The following NUDT7 variants were observed in gnomAD, a reference collection of about 807,000 sequenced individuals.
NUDT7 encodes the protein peroxisomal coenzyme A diphosphatase NUDT7.
NUDT7 carries 19 observed loss-of-function variants against 13.1 expected under a neutral mutation model. That is an observed-to-expected ratio of 1.45 (90% CI 1.01 to 2.13). The LOEUF (loss-of-function observed/expected upper bound fraction) is 2.13. NUDT7 is among the 30% of genes most tolerant of loss of function. The pLI is 0.00. For missense variants in NUDT7, 360 were observed against 291.7 expected, an observed-to-expected ratio of 1.23 and a Z score of -1.71; for synonymous variants, 132 against 109.7, an observed-to-expected ratio of 1.20 and a Z score of -1.27.
In NUDT7 at chr16:77,741,637, A is replaced by T. The variant is rs778021105; in HGVS notation, c.404A>T (p.Gln135Leu). The change falls in exon 4 of 4, where the codon CAG becomes CTG. Residue 135 changes from glutamine to leucine, a missense_variant. Transcript: ENST00000268533. ...VGLIDHNFQA[Q>L]PNPAEVKDVF... is the part of the protein sequence containing the mutation. Reference sequence around the variant, plus strand: ...TTAATAGACCACAACTTCCAGGCCCAGCCGAATCCTGCTGAAGTTAAGGAT... The same window carrying T: ...TTAATAGACCACAACTTCCAGGCCCTGCCGAATCCTGCTGAAGTTAAGGAT... The T allele has an allele frequency of 6.2e-7, 1 of 1,613,924 alleles. No individual in the cohort carries two copies. The highest frequency in any genetic ancestry group is 1.1e-5 in the South Asian group (1 of 91,058).
At chr16:77,726,469 C>G in intron 2 of NUDT7, among the ~76,000 whole-genome samples, 1 of 152,140 alleles carries the variant, frequency 6.6e-6, no homozygotes, top group East Asian at 1.9e-4. Context: ...TTCTGGCTCA[C>G]CCCTTGTATT....
chr16:77,733,386 A>G (rs77524679), intron 2 of NUDT7, among the ~76,000 whole-genome samples: 15,417 of 152,190 alleles, frequency 0.1, 877 homozygotes, highest in African/African-American at 0.16. Context: ...AGGGGCAAAG[A>G]GTCTGTCTCT....
chr16:77,735,806 G>C, intron 2 of NUDT7, 22 bp from the exon 3 acceptor site: 1 of 1,607,296 alleles, frequency 6.2e-7, no homozygotes, highest in Non-Finnish European at 8.5e-7. Flanking sequence ...CCACATTGTA[G>C]CGCTGTTCTT....
intron 2 of NUDT7, among the ~76,000 whole-genome samples, chr16:77,728,733 T>A (rs1292631045): frequency 1.3e-5 from 2 of 152,198 alleles, no homozygotes; most frequent in Non-Finnish European, 2.9e-5. Flanking sequence ...CGGGTCCACC[T>A]TGGATAAGGG....
At chr16:77,729,559 C>G (rs891196044) in intron 2 of NUDT7, among the ~76,000 whole-genome samples, 2 of 152,248 alleles carry the variant, frequency 1.3e-5, no homozygotes, top group African/African-American at 4.8e-5. Flanking sequence ...CCAGGCATGG[C>G]TCACACCTGT....
chr16:77,732,432 C>A (rs547566329), intron 2 of NUDT7, among the ~76,000 whole-genome samples: 2 of 152,254 alleles, frequency 1.3e-5, no homozygotes, highest in East Asian at 3.9e-4. Context: ...GCCTTCACAT[C>A]CACTCACCAC....
intron 2 of NUDT7, among the ~76,000 whole-genome samples, chr16:77,728,147 T>C (rs2145108102): frequency 6.6e-6 from 1 of 152,180 alleles, no homozygotes; most frequent in South Asian, 2.1e-4. Context: ...GTAGGAGATT[T>C]CCCCCCAGTG....
chr16:77,737,888 G>A (rs1339360776), intron 3 of NUDT7, among the ~76,000 whole-genome samples: 1 of 152,052 alleles, frequency 6.6e-6, no homozygotes, highest in Non-Finnish European at 1.5e-5. Context: ...GATCCTTTAT[G>A]TTCCACTTGA....
Position 77,732,564 on chromosome 16 carries a change from G to A in NUDT7, c.190-3264G>A, listed in dbSNP as rs147388473. 1.2e-4 allele frequency among the ~76,000 whole-genome samples: 18 copies of A among 152,046 alleles called. No individual in the cohort carries two copies. In the East Asian group the frequency reaches 1.7e-3, roughly 15 times the overall value. On this transcript the variant is annotated intron_variant, in intron 2 of 3. Transcript: ENST00000268533. ...ACCATATTTTTACTGTACCTTTTCC[G>A]TGTTTAGATGCACAAATACTTACCA...
At chr16:77,740,773 C>G (rs1414696694) in intron 3 of NUDT7, among the ~76,000 whole-genome samples, 1 of 152,102 alleles carries the variant, frequency 6.6e-6, no homozygotes, top group East Asian at 1.9e-4. Flanking sequence ...GTCTCAAACT[C>G]CTGACCTCAG....
chr16:77,736,098 T>A, intron 3 of NUDT7, 112 bp downstream of exon 3: 1 of 1,014,858 alleles, frequency 9.9e-7, no homozygotes. Context: ...GTACATAAAG[T>A]CAAGAGAACA....
At chr16:77,740,695 G>A (rs1416525648) in intron 3 of NUDT7, among the ~76,000 whole-genome samples, 1 of 152,006 alleles carries the variant, frequency 6.6e-6, no homozygotes, top group African/African-American at 2.4e-5. Context: ...TTACAGGCAC[G>A]CACCACCACA....
intron 3 of NUDT7, chr16:77,736,669 T>A (rs1384709482): frequency 6.9e-6 from 2 of 289,392 alleles, no homozygotes; most frequent in Admixed American, 6.8e-5. Flanking sequence ...TCTCGCTATG[T>A]TGATGAGGCT....
At chr16:77,736,708 C>T (rs765606401) in intron 3 of NUDT7, 1 of 278,328 alleles carries the variant, frequency 3.6e-6, no homozygotes, top group South Asian at 3.3e-5. Context: ...TCAAGTGATC[C>T]TCCCACCTCA....
chr16:77,735,650 G>T (rs1194001422), intron 2 of NUDT7, 178 bp from the exon 3 acceptor site: 7 of 658,690 alleles, frequency 1.1e-5, no homozygotes, highest in Non-Finnish European at 1.9e-5. Context: ...AATTTTCAAG[G>T]TTCATTTCTT....
At chr16:77,723,820 G>C (rs2014044133) in intron 1 of NUDT7, among the ~76,000 whole-genome samples, 2 of 152,032 alleles carry the variant, frequency 1.3e-5, no homozygotes, top group South Asian at 4.1e-4. Flanking sequence ...TCGAACTCCT[G>C]ACTTCAAGTG....
intron 3 of NUDT7, among the ~76,000 whole-genome samples, chr16:77,738,375 G>A (rs776351427): frequency 1.2e-4 from 19 of 152,144 alleles, no homozygotes; most frequent in East Asian, 1.9e-4. Context: ...CTAAAATGGC[G>A]TGATTGAGAG....
intron 2 of NUDT7, among the ~76,000 whole-genome samples, chr16:77,729,783 C>T (rs929022548): frequency 3.3e-5 from 5 of 152,026 alleles, no homozygotes; most frequent in African/African-American, 1.2e-4. Context: ...CGAGATTATC[C>T]CACTGCACTC....
At chr16:77,725,629 G>A in intron 2 of NUDT7, 45 bp downstream of exon 2, 1 of 1,576,984 alleles carries the variant, frequency 6.3e-7, no homozygotes, top group Non-Finnish European at 8.6e-7. Flanking sequence ...CAGGACATCA[G>A]AAGACCTCAC....
Sources: allele counts gnomAD v4.1 joint callset (sites outside exome capture counted in the v4.1 genomes callset), GRCh38; gene constraint gnomAD v4.1.1; transcripts MANE v1.5; gene names NCBI Gene and HGNC (gene_info 2026-07-23, HGNC 2026-07-21).